NXPH1: variants seen among roughly 807,000 people sequenced by gnomAD.
NXPH1 encodes neurexophilin-1.
Under a neutral mutation model 23.7 loss-of-function variants are expected in NXPH1, and 5 were observed. The ratio of observed to expected loss-of-function variants is 0.21; its 90% CI spans 0.11 to 0.44. NXPH1 has a LOEUF of 0.44. Among genes scored for constraint, NXPH1 ranks in the 20% least tolerant of loss-of-function variants. The probability of loss-of-function intolerance (pLI) is 0.99; values close to 1 mark genes in which losing one functional copy is unlikely to be tolerated. For synonymous variants in NXPH1, 144 were observed against 122.2 expected, an observed-to-expected ratio of 1.18 and a Z score of -1.18; for missense variants, 324 against 321.6, an observed-to-expected ratio of 1.01 and a Z score of -0.06.
intron 2 of NXPH1, among the ~76,000 whole-genome samples, chr7:8,593,517 G>A (rs937918565): frequency 3.3e-5 from 5 of 151,936 alleles, no homozygotes; most frequent in African/African-American, 9.7e-5. Flanking sequence ...CTAGTCTCCT[G>A]AACCATGGGG....
At chr7:8,596,356 C>T (rs143491391) in intron 2 of NXPH1, among the ~76,000 whole-genome samples, 6 of 152,160 alleles carry the variant, frequency 3.9e-5, no homozygotes, top group African/African-American at 7.2e-5. Context: ...GACAGAATAG[C>T]GTACCTGGAA....
intron 2 of NXPH1, among the ~76,000 whole-genome samples, chr7:8,608,610 G>A (rs979751489): frequency 6.6e-6 from 1 of 152,024 alleles, no homozygotes; most frequent in Admixed American, 6.6e-5. Flanking sequence ...GGCCCTTTCT[G>A]TATTTTTTTA....
intron 2 of NXPH1, among the ~76,000 whole-genome samples, chr7:8,723,692 T>A (rs1780004231): frequency 6.6e-6 from 1 of 152,176 alleles, no homozygotes; most frequent in Admixed American, 6.5e-5. Context: ...ATATATAATA[T>A]TTAGGAAGGA....
intron 2 of NXPH1, among the ~76,000 whole-genome samples, chr7:8,625,752 C>T (rs1562433026): frequency 1.3e-5 from 2 of 152,072 alleles, no homozygotes; most frequent in African/African-American, 2.4e-5. Context: ...GATAAAGAGT[C>T]TGAAATCCTC....
chr7:8,655,394 TTG>T (rs1457437184), intron 2 of NXPH1, among the ~76,000 whole-genome samples: 1 of 40,192 alleles, frequency 2.5e-5, no homozygotes, highest in African/African-American at 8.1e-5. Flanking sequence ...GTCTTTGTCT[TTG>T]TCTTTCTCTC....
chr7:8,570,416 G>A (rs577396971), intron 2 of NXPH1, among the ~76,000 whole-genome samples: 1 of 152,080 alleles, frequency 6.6e-6, no homozygotes, highest in South Asian at 2.1e-4. Flanking sequence ...GGATAGAATA[G>A]TACTTACCTT....
chr7:8,728,670 T>G (rs1780098577), intron 2 of NXPH1, among the ~76,000 whole-genome samples: 1 of 151,474 alleles, frequency 6.6e-6, no homozygotes, highest in Non-Finnish European at 1.5e-5. Flanking sequence ...GAACCAGCCT[T>G]GCATCCCAGG....
At chr7:8,533,047 G>T (rs921731099) in intron 2 of NXPH1, among the ~76,000 whole-genome samples, 3 of 152,060 alleles carry the variant, frequency 2.0e-5, no homozygotes, top group African/African-American at 7.2e-5. Context: ...TAAATCTTAG[G>T]TTGGTACTGC....
At chr7:8,669,955 C>T (rs1240445746) in intron 2 of NXPH1, among the ~76,000 whole-genome samples, 1 of 152,200 alleles carries the variant, frequency 6.6e-6, no homozygotes, top group Non-Finnish European at 1.5e-5. Context: ...GGAATGAGGA[C>T]TGGAAAGTCC....
At chr7:8,612,025 C>A (rs899379116) in intron 2 of NXPH1, among the ~76,000 whole-genome samples, 1 of 152,038 alleles carries the variant, frequency 6.6e-6, no homozygotes, top group Non-Finnish European at 1.5e-5. Flanking sequence ...CTTGAAGTTT[C>A]CAGAGTAATA....
chr7:8,744,603 C>T (rs1780436584), intron 2 of NXPH1, among the ~76,000 whole-genome samples: 1 of 152,202 alleles, frequency 6.6e-6, no homozygotes, highest in Non-Finnish European at 1.5e-5. Flanking sequence ...CCATCCCTCT[C>T]ATGTCTCCAG....
intron 2 of NXPH1, among the ~76,000 whole-genome samples, chr7:8,450,150 T>C (rs17151607): frequency 0.018 from 2,755 of 152,314 alleles, 86 homozygotes; most frequent in African/African-American, 0.063. Context: ...CTCATGTTTT[T>C]TGAATTATTT....
intron 2 of NXPH1, among the ~76,000 whole-genome samples, chr7:8,682,734 A>G (rs1821076479): frequency 6.6e-6 from 1 of 152,242 alleles, no homozygotes; most frequent in African/African-American, 2.4e-5. Flanking sequence ...GTCAGAAGCA[A>G]TCATTATAAC....
At chr7:8,685,185 T>A (rs1304843835) in intron 2 of NXPH1, among the ~76,000 whole-genome samples, 1 of 152,116 alleles carries the variant, frequency 6.6e-6, no homozygotes, top group East Asian at 1.9e-4. Flanking sequence ...AACTGATAAC[T>A]GAGAGTTATC....
chr7:8,656,002 C>T (rs1820576243), intron 2 of NXPH1, among the ~76,000 whole-genome samples: 1 of 152,126 alleles, frequency 6.6e-6, no homozygotes, highest in African/African-American at 2.4e-5. Flanking sequence ...CTATATGGGG[C>T]TAGGAAGGCA....
In NXPH1 at chr7:8,568,490, G is replaced by A. The variant is rs77356656; in HGVS notation, c.54+132723G>A. Among the ~76,000 whole-genome samples the A allele has an allele frequency of 5.9e-3, 889 of 151,858 alleles. 3 individuals carry two copies. Among genetic ancestry groups the A allele is most frequent in the African/African-American group, 0.02 (842 of 41,496 alleles). ...TATGTAAACTATGTTAATGCAATGA[G>A]GAGACCATTTTTTGTTTCTTTTCAC... On this transcript the variant is annotated intron_variant, in intron 2 of 2. Transcript: ENST00000405863.
At chr7:8,577,708 C>T (rs1818782490) in intron 2 of NXPH1, among the ~76,000 whole-genome samples, 1 of 152,180 alleles carries the variant, frequency 6.6e-6, no homozygotes. Context: ...GTGTAGTCTC[C>T]TTCCACAGTG....
chr7:8,679,508 C>G (rs995494472), intron 2 of NXPH1, among the ~76,000 whole-genome samples: 2 of 152,142 alleles, frequency 1.3e-5, no homozygotes, highest in African/African-American at 2.4e-5. Flanking sequence ...AAGGAACACT[C>G]TAATCATAGC....
chr7:8,466,128 A>T (rs567911660), intron 2 of NXPH1, among the ~76,000 whole-genome samples: 1 of 152,210 alleles, frequency 6.6e-6, no homozygotes, highest in South Asian at 2.1e-4. Flanking sequence ...GACTTTTGTG[A>T]GTACCTTGAA....
Sources: allele counts gnomAD v4.1 joint callset (sites outside exome capture counted in the v4.1 genomes callset), GRCh38; gene constraint gnomAD v4.1.1; transcripts MANE v1.5; gene names NCBI Gene and HGNC (gene_info 2026-07-23, HGNC 2026-07-21).